The following KIAA0319 variants were observed in gnomAD, a reference collection of about 807,000 sequenced individuals.
The protein encoded by KIAA0319 is KIAA0319.
KIAA0319 carries 83 observed loss-of-function variants against 108.4 expected under a neutral mutation model. The observed-to-expected ratio is 0.77, with a 90% CI of 0.64 to 0.92. The LOEUF is 0.92. Among genes scored for constraint, KIAA0319 ranks in the 40% least tolerant of loss-of-function variants. The probability of loss-of-function intolerance (pLI) is 0.00; values close to 1 mark genes in which losing one functional copy is unlikely to be tolerated. For synonymous variants in KIAA0319, 484 were observed against 510.4 expected (o/e 0.95, Z 0.70); for missense variants, 1,195 against 1,322.4 (o/e 0.90, Z 1.49).
At position 24,551,540 on chromosome 6, in the gene KIAA0319, G is replaced by A; in HGVS notation, c.2949-15C>T. The A allele has an allele frequency of 6.6e-7, 1 of 1,516,674 alleles. No individual in the cohort carries two copies. 94.0% of individuals were successfully genotyped at this position (1,516,674 alleles called of 1,614,324 possible). A position where few individuals can be genotyped will look rare whatever the true frequency, so the allele number is the denominator to read the frequency against. On this transcript the variant is annotated splice_polypyrimidine_tract_variant and intron_variant, in intron 19 of 20. Transcript: ENST00000378214. ...TCCTTTTTTGTCTGAAAGGAACAATGAAAAGCTCAACTCAGATCTTTAGAA... is the reference window on the plus strand; with the variant it reads ...TCCTTTTTTGTCTGAAAGGAACAATAAAAAGCTCAACTCAGATCTTTAGAA...
At chr6:24,542,235 GCT>G (rs1475754083), downstream of KIAA0319, among the ~76,000 whole-genome samples, 2 of 152,196 alleles carry the variant, frequency 1.3e-5, no homozygotes, top group African/African-American at 2.4e-5. Flanking sequence ...CCTAGTATTT[GCT>G]CTCTCAGTAA....
In KIAA0319 at chr6:24,588,591, A is replaced by G; in HGVS notation, c.994+2T>C. 1 of 1,608,738 alleles carries G rather than the reference A, an allele frequency of 6.2e-7. No homozygotes were observed. The highest frequency in any genetic ancestry group is 8.5e-7 in the Non-Finnish European group (1 of 1,176,562). On this transcript the variant is annotated splice_donor_variant, in intron 4 of 20. Coordinates refer to ENST00000378214, the MANE Select transcript of KIAA0319 (RefSeq NM_014809.4). LOFTEE classifies it high-confidence loss of function. ...CTTGAAATTGTATTTTTTAAAAGTTACCTGTCCTGGGAGCAGTGGTAGGAG... is the reference window on the plus strand; with the variant it reads ...CTTGAAATTGTATTTTTTAAAAGTTGCCTGTCCTGGGAGCAGTGGTAGGAG...
intron 10 of KIAA0319, among the ~76,000 whole-genome samples, chr6:24,573,010 A>C (rs1329512138): frequency 6.6e-6 from 1 of 152,194 alleles, no homozygotes; most frequent in East Asian, 1.9e-4. Context: ...AATCCCAGCT[A>C]CTTAAGAGGC....
chr6:24,597,929 A>AAAAAAAAAAAAC, intron 2 of KIAA0319: 1 of 130,228 alleles, frequency 7.7e-6, no homozygotes, highest in Non-Finnish European at 1.5e-5. Context: ...AAAAAAAAAA[A>AAAAAAAAAAAAC]AAAAAAAAAA....
At chr6:24,553,368 T>A (rs1761862626) in intron 19 of KIAA0319, among the ~76,000 whole-genome samples, 1 of 150,350 alleles carries the variant, frequency 6.7e-6, no homozygotes, top group Non-Finnish European at 1.5e-5. Flanking sequence ...TCTGTATGTA[T>A]GTTTTCATCA....
intron 1 of KIAA0319, among the ~76,000 whole-genome samples, chr6:24,625,170 C>A (rs7751357): frequency 0.71 from 107,702 of 152,122 alleles, 38,775 homozygotes; most frequent in East Asian, 0.87. Context: ...AAGAATAAAA[C>A]TGGTGTTAGG....
intron 1 of KIAA0319, among the ~76,000 whole-genome samples, chr6:24,624,939 C>A (rs1030145285): frequency 1.3e-5 from 2 of 152,196 alleles, no homozygotes; most frequent in Non-Finnish European, 2.9e-5. Context: ...GGCTCTTCAG[C>A]CTGTAATCCC....
intron 14 of KIAA0319, among the ~76,000 whole-genome samples, chr6:24,565,518 G>T (rs1763773225): frequency 6.6e-6 from 1 of 152,022 alleles, no homozygotes; most frequent in Admixed American, 6.5e-5. Flanking sequence ...ACTTTGGGAG[G>T]CCGAAGCGGG....
At chr6:24,550,480 T>C (rs762719949) in intron 20 of KIAA0319, among the ~76,000 whole-genome samples, 8 of 152,206 alleles carry the variant, frequency 5.3e-5, no homozygotes, top group Non-Finnish European at 1.0e-4. Context: ...AGAAGTTTCA[T>C]TAAGTATGCA....
At chr6:24,576,860 G>A (rs1291314991) in intron 9 of KIAA0319, among the ~76,000 whole-genome samples, 1 of 152,056 alleles carries the variant, frequency 6.6e-6, no homozygotes, top group African/African-American at 2.4e-5. Context: ...GGGAGGTCAA[G>A]GCTGCAGTGA....
intron 1 of KIAA0319, among the ~76,000 whole-genome samples, chr6:24,635,098 TTC>T (rs1453331790): frequency 6.6e-6 from 1 of 151,726 alleles, no homozygotes. Context: ...GCAGTTTATT[TTC>T]TTTCTTTCTT....
rs760899083 is a variant in KIAA0319, at chr6:24,579,907, T to C, written c.1323A>G (p.Gln441=). ...NLPPVAVVSP[Q]LQELTLPLTS... ...TCAAAGGCAAAGTGAGCTCTTGCAG[T>C]TGGGGAGAAACAACTGCTACAGGTG... The change falls in exon 8 of 21, where the codon CAA becomes CAG. Residue 441 remains glutamine, a synonymous_variant. Coordinates refer to ENST00000378214, the MANE Select transcript of KIAA0319 (RefSeq NM_014809.4). 3.7e-6 allele frequency: 6 copies of C among 1,603,172 alleles called. No individual in the cohort carries two copies. The highest frequency in any genetic ancestry group is 1.7e-5 in the Admixed American group (1 of 58,904).
Position 24,579,910 on chromosome 6 carries a change from G to A in KIAA0319, c.1320C>T (p.Pro440=), listed in dbSNP as rs1172150656. 3 of 1,602,234 alleles carry A rather than the reference G, an allele frequency of 1.9e-6. No individual in the cohort carries two copies. The highest frequency in any genetic ancestry group is 2.7e-5 in the African/African-American group (2 of 74,702). The change falls in exon 8 of 21, where the codon CCC becomes CCT. Residue 440 remains proline (P), a synonymous_variant. Transcript: ENST00000378214. ...AAGGCAAAGTGAGCTCTTGCAGTTGGGGAGAAACAACTGCTACAGGTGGCA... is the reference window on the plus strand; with the variant it reads ...AAGGCAAAGTGAGCTCTTGCAGTTGAGGAGAAACAACTGCTACAGGTGGCA... ...VNLPPVAVVS[P]QLQELTLPLT... is the part of the protein sequence containing the mutation.
rs1764280691 is a variant in KIAA0319 at position 24,568,927 on chromosome 6, C to T, written c.1994G>A (p.Gly665Asp). The change falls in exon 13 of 21, where the codon GGC becomes GAC. Residue 665 changes from glycine to aspartate, a missense_variant and splice_region_variant. Gly to Asp is a moderately conservative substitution (Grantham distance 94, BLOSUM62 -1). Transcript: ENST00000378214. ...IVFYHWEHVRGPSAVEMENID... is the reference protein window; with the variant it reads ...IVFYHWEHVRDPSAVEMENID... Reference sequence around the variant, plus strand: ...ATTTTCCATCTCCACTGCACTGGGGCCTCTATAAAACATAGAAGTGGTTAA... The same window carrying T: ...ATTTTCCATCTCCACTGCACTGGGGTCTCTATAAAACATAGAAGTGGTTAA... 1 of 1,614,016 alleles carries T rather than the reference C, an allele frequency of 6.2e-7. No homozygotes were observed. Among genetic ancestry groups the T allele is most frequent in the East Asian group, 2.2e-5 (1 of 44,882 alleles).
chr6:24,551,781 G>A (rs1183173416), intron 19 of KIAA0319, among the ~76,000 whole-genome samples: 1 of 152,148 alleles, frequency 6.6e-6, no homozygotes, highest in Non-Finnish European at 1.5e-5. Flanking sequence ...TAAGCCTCAG[G>A]CTGCAGTGCC....
chr6:24,588,744 C>T lies in KIAA0319; in HGVS notation c.843G>A (p.Glu281=), dbSNP rs1323678135. Residue 281 remains glutamate, a synonymous_variant, in exon 4 of 21, where the codon GAG becomes GAA. Coordinates refer to ENST00000378214, the MANE Select transcript of KIAA0319 (RefSeq NM_014809.4). ...PSHSLPPASL[E]LSSVTVEKSP... is the part of the protein sequence containing the mutation. Reference sequence around the variant, plus strand: ...TTTTCTCCACGGTGACTGAGCTGAGCTCCAGGCTTGCCGGAGGAAGACTAT... The same window carrying T: ...TTTTCTCCACGGTGACTGAGCTGAGTTCCAGGCTTGCCGGAGGAAGACTAT... 1.2e-6 allele frequency: 2 copies of T among 1,613,730 alleles called. No homozygotes were observed. The highest frequency in any genetic ancestry group is 1.1e-5 in the South Asian group (1 of 91,060).
At chr6:24,620,580 C>T (rs942802305) in intron 1 of KIAA0319, among the ~76,000 whole-genome samples, 6 of 152,248 alleles carry the variant, frequency 3.9e-5, no homozygotes, top group Non-Finnish European at 7.3e-5. Context: ...GGATTACAGG[C>T]ATAAGCCACT....
At chr6:24,643,979 G>A (rs530741447) in intron 1 of KIAA0319, among the ~76,000 whole-genome samples, 32 of 152,226 alleles carry the variant, frequency 2.1e-4, no homozygotes, top group Non-Finnish European at 4.1e-4. Context: ...GCAGCACTCC[G>A]TTCCAGAAAC....
rs749730288 is a variant in KIAA0319, at chr6:24,596,572, T to A, written c.102A>T (p.Ala34=). The change falls in exon 3 of 21, where the codon GCA becomes GCT. Residue 34 remains alanine (A), a synonymous_variant. Coordinates refer to ENST00000378214, the MANE Select transcript of KIAA0319 (RefSeq NM_014809.4). ...QCSEGRTYSN[A]VISPNLETTR... is the part of the protein sequence containing the mutation. ...TGGTTTCCAAGTTAGGTGAAATGAC[T>A]GCATTGGAATATGTCCTCCCCTCGC... 3 of 1,613,390 alleles carry A rather than the reference T, an allele frequency of 1.9e-6. No homozygotes were observed. The African/African-American group carries it at 4.0e-5, about 22-fold the overall frequency.
Sources: gnomAD v4.1 joint callset for allele counts (sites outside exome capture counted in the v4.1 genomes callset) on GRCh38, gnomAD v4.1.1 for gene constraint, MANE v1.5 for transcripts, NCBI Gene and HGNC (gene_info 2026-07-23, HGNC 2026-07-21) for gene names.